ITPK1: variants seen among roughly 807,000 people sequenced by gnomAD.
The protein encoded by ITPK1 is inositol 1,3,4-trisphosphate 5/6-kinase.
Under a neutral mutation model 45.3 loss-of-function variants are expected in ITPK1, and 21 were observed. The observed-to-expected ratio is 0.46, with a 90% CI of 0.33 to 0.67. The LOEUF (loss-of-function observed/expected upper bound fraction) is 0.67. Ranked by LOEUF, ITPK1 falls within the 30% of genes least tolerant of loss-of-function variation. The probability of loss-of-function intolerance (pLI) is 0.02; values close to 1 mark genes in which losing one functional copy is unlikely to be tolerated. For missense variants in ITPK1, 474 were observed against 573.5 expected (o/e 0.83, Z 1.77); for synonymous variants, 258 against 253.6 (o/e 1.02, Z -0.16).
intron 3 of ITPK1, among the ~76,000 whole-genome samples, chr14:93,042,518 G>A (rs1455849315): frequency 6.6e-6 from 1 of 152,170 alleles, no homozygotes; most frequent in African/African-American, 2.4e-5. Flanking sequence ...ACCCCTAACA[G>A]CGACAGGGCT....
At chr14:93,108,126 C>G (rs550907333) in intron 2 of ITPK1, among the ~76,000 whole-genome samples, 1 of 152,210 alleles carries the variant, frequency 6.6e-6, no homozygotes, top group Non-Finnish European at 1.5e-5. Context: ...ACACCCGGGC[C>G]GGCTCCCCAA....
rs201813148 is a variant in ITPK1, at chr14:92,993,988, C to T, written c.256G>A (p.Asp86Asn). 311 of 1,610,622 alleles carry T rather than the reference C, an allele frequency of 1.9e-4. No homozygotes were observed. Among genetic ancestry groups the T allele is most frequent in the Admixed American group, 6.5e-4 (39 of 60,002 alleles). ...ELVHRFQEYI[D>N]AHPETIVLDP... is the part of the protein sequence containing the mutation. ...AGGACGATGGTCTCAGGGTGGGCAT[C>T]GATGTACTCCTGAAAGGGAAGCATG... Residue 86 changes from aspartate to asparagine, a missense_variant, in exon 5 of 11, where the codon GAT (aspartate) becomes AAT (asparagine). Physicochemically the swap from Asp to Asn is conservative, Grantham distance 23. This residue lies in a region of ITPK1 where 367 missense variants were observed against 480.6 expected (regional missense o/e 0.76). Transcript: ENST00000267615.
chr14:93,101,534 A>C (rs10139757), intron 2 of ITPK1, among the ~76,000 whole-genome samples: 40,388 of 152,002 alleles, frequency 0.27, 6,169 homozygotes, highest in African/African-American at 0.43. Flanking sequence ...GAGCTGAAAC[A>C]CACCCACAGT....
At chr14:93,096,739 G>A (rs1892096541) in intron 2 of ITPK1, among the ~76,000 whole-genome samples, 1 of 152,132 alleles carries the variant, frequency 6.6e-6, no homozygotes, top group African/African-American at 2.4e-5. Context: ...AGAATGTAGG[G>A]GCTCGAATGT....
intron 8 of ITPK1, among the ~76,000 whole-genome samples, chr14:92,953,075 G>A (rs572634510): frequency 2.7e-4 from 41 of 152,352 alleles, no homozygotes; most frequent in Admixed American, 2.2e-3. Context: ...GCCTATGTGC[G>A]AGGACAGGAG....
chr14:93,056,807 C>T (rs1890232517), intron 3 of ITPK1, among the ~76,000 whole-genome samples: 1 of 152,198 alleles, frequency 6.6e-6, no homozygotes. Flanking sequence ...TGTACTATAG[C>T]AATTTGTGGG....
At position 92,941,090 on chromosome 14, in the gene ITPK1, C is replaced by T. The variant is rs753274672; in HGVS notation, c.*471G>A. ...AGTAGGAGGAAAAACAAGGAAGGGG[C>T]AGGTCAGGGAGTGGGGAGTCAGGCA... On this transcript the variant is annotated 3_prime_UTR_variant, in exon 11 of 11. Coordinates refer to ENST00000267615, the MANE Select transcript of ITPK1 (RefSeq NM_014216.6). The T allele has an allele frequency of 5.0e-6, 6 of 1,203,508 alleles. No homozygotes were observed. In the Admixed American group the frequency reaches 1.3e-4, roughly 26 times the overall value. The allele number at this position is 1,203,508 out of a possible 1,614,324, so 74.6% of individuals were successfully genotyped here.
intron 3 of ITPK1, among the ~76,000 whole-genome samples, chr14:93,027,370 A>G (rs1344999203): frequency 6.6e-6 from 1 of 152,224 alleles, no homozygotes; most frequent in Non-Finnish European, 1.5e-5. Flanking sequence ...ACTAACATCC[A>G]TCGAGCACCT....
chr14:93,036,097 G>A lies in ITPK1; in HGVS notation c.121-19296C>T, dbSNP rs1000665959. On this transcript the variant is annotated intron_variant, in intron 3 of 10. Coordinates refer to ENST00000267615, the MANE Select transcript of ITPK1 (RefSeq NM_014216.6). The surrounding 1 kb of genome is among the most constrained non-coding windows in gnomAD (Gnocchi z 4.1). The stretch of plus-strand genomic sequence containing the variant: ...GCCACCCTTTCCAAGAAAGGGCTAC[G>A]AAAGCAATGGTGGCGTCAGTGAGAC... Among the ~76,000 whole-genome samples the A allele has an allele frequency of 1.3e-5, 2 of 152,208 alleles. No homozygotes were observed. The highest frequency in any genetic ancestry group is 2.4e-5 in the African/African-American group (1 of 41,454).
Position 93,115,919 on chromosome 14 carries a change from A to T in ITPK1, c.-290T>A, listed in dbSNP as rs1410068319. ...CGCCCCGCTTGAGCCCGCGGCGGCGAGGAAGCGGCGGGGCGGCCGCCAGGG... is the reference window on the plus strand; with the variant it reads ...CGCCCCGCTTGAGCCCGCGGCGGCGTGGAAGCGGCGGGGCGGCCGCCAGGG... On this transcript the variant is annotated 5_prime_UTR_variant, in exon 1 of 11. Coordinates refer to ENST00000267615, the MANE Select transcript of ITPK1 (RefSeq NM_014216.6). 1 of 144,232 alleles carries T rather than the reference A, an allele frequency of 6.9e-6. No individual in the cohort carries two copies. Among genetic ancestry groups the T allele is most frequent in the African/African-American group, 2.5e-5 (1 of 39,992 alleles). 8.9% of individuals were successfully genotyped at this position (144,232 alleles called of 1,614,324 possible).
intron 5 of ITPK1, among the ~76,000 whole-genome samples, chr14:92,982,541 G>A (rs559328095): frequency 3.3e-5 from 5 of 152,300 alleles, no homozygotes; most frequent in African/African-American, 9.6e-5. Context: ...TAGCTTGGAG[G>A]TGGATGTTTC....
At chr14:93,086,822 G>A (rs921862679) in intron 2 of ITPK1, among the ~76,000 whole-genome samples, 1 of 152,248 alleles carries the variant, frequency 6.6e-6, no homozygotes, top group African/African-American at 2.4e-5. Flanking sequence ...GGGCCCCCCA[G>A]CCACAGGCAT....
At chr14:93,084,210 T>C (rs538753035) in intron 2 of ITPK1, among the ~76,000 whole-genome samples, 1 of 152,202 alleles carries the variant, frequency 6.6e-6, no homozygotes, top group Admixed American at 6.5e-5. Flanking sequence ...GCGGGCTGAG[T>C]GGCGACGAAG....
chr14:93,102,132 G>A (rs8006922), intron 2 of ITPK1, among the ~76,000 whole-genome samples: 40,420 of 152,218 alleles, frequency 0.27, 6,191 homozygotes, highest in African/African-American at 0.43. Flanking sequence ...CCAAAAGAAC[G>A]AGGCACATTC....
intron 3 of ITPK1, among the ~76,000 whole-genome samples, chr14:93,053,526 G>A (rs1473164733): frequency 2.0e-5 from 3 of 152,226 alleles, no homozygotes; most frequent in African/African-American, 4.8e-5. Flanking sequence ...GGACTTTCAC[G>A]GTAGTGAAGC....
intron 4 of ITPK1, among the ~76,000 whole-genome samples, chr14:92,994,851 G>A (rs568192012): frequency 1.1e-4 from 16 of 152,308 alleles, no homozygotes; most frequent in South Asian, 2.1e-4. Flanking sequence ...ATTTGTGAAC[G>A]TGGCCTTATT....
intron 4 of ITPK1, among the ~76,000 whole-genome samples, chr14:92,995,333 C>G (rs1436495299): frequency 6.6e-6 from 1 of 152,234 alleles, no homozygotes; most frequent in East Asian, 1.9e-4. Flanking sequence ...GGAAACACAC[C>G]CCAGTGCTGC....
intron 2 of ITPK1, among the ~76,000 whole-genome samples, chr14:93,101,971 T>C (rs1892339080): frequency 6.6e-6 from 1 of 152,132 alleles, no homozygotes; most frequent in Admixed American, 6.5e-5. Context: ...AAGCTAGAGC[T>C]CCAGAGACAG....
At chr14:93,096,227 G>A (rs911753543) in intron 2 of ITPK1, among the ~76,000 whole-genome samples, 5 of 152,154 alleles carry the variant, frequency 3.3e-5, no homozygotes, top group Non-Finnish European at 5.9e-5. Flanking sequence ...CCAGCTTTCT[G>A]CGACTGACTC....
Sources: gnomAD v4.1 joint callset for allele counts (sites outside exome capture counted in the v4.1 genomes callset) on GRCh38, gnomAD v4.1.1 for gene constraint, gnomAD v4.1.1 regional missense constraint, Gnocchi (gnomAD v3.1) non-coding constraint, MANE v1.5 for transcripts, NCBI Gene and HGNC (gene_info 2026-07-23, HGNC 2026-07-21) for gene names.